The following EIF2A variants were observed in gnomAD, a reference collection of about 807,000 sequenced individuals.
EIF2A encodes the protein eukaryotic translation initiation factor 2A.
EIF2A carries 62 observed loss-of-function variants against 75.2 expected under a neutral mutation model. The ratio of observed to expected loss-of-function variants is 0.82; its 90% CI spans 0.67 to 1.02. The LOEUF is 1.02. EIF2A is among the 50% of genes least tolerant of loss of function. The pLI is 0.00. For synonymous variants in EIF2A, 207 were observed against 239.0 expected, an observed-to-expected ratio of 0.87 and a Z score of 1.23; for missense variants, 611 against 677.7, an observed-to-expected ratio of 0.90 and a Z score of 1.09.
In EIF2A at chr3:150,581,748, T is replaced by C; in HGVS notation, c.1626+2T>C. ...AAAAAAATCAAGAACCTAAAGAAGG[T>C]GAGAGACTTAAAAACAGATGTGCAT... On this transcript the variant is annotated splice_donor_variant, in intron 12 of 13. Transcript: ENST00000460851. LOFTEE classifies it high-confidence loss of function. 6.4e-7 allele frequency: 1 copy of C among 1,557,498 alleles called. No homozygotes were observed. Among genetic ancestry groups the C allele is most frequent in the Non-Finnish European group, 8.7e-7 (1 of 1,150,064 alleles).
In EIF2A at chr3:150,568,186, G is replaced by A. The variant is rs891862280; in HGVS notation, c.705G>A (p.Val235=). ...TMLWNKKATA[V]LVIASTDVDK... ...TTTTTACTGTTATAGCTACTGCTGT[G>A]TTGGTAATAGCTAGCACAGATGTTG... The change falls in exon 9 of 14, where the codon GTG becomes GTA. Residue 235 remains valine, a synonymous_variant. Coordinates refer to ENST00000460851, the MANE Select transcript of EIF2A (RefSeq NM_032025.5). 3.1e-6 allele frequency: 5 copies of A among 1,612,562 alleles called. No individual in the cohort carries two copies. Among genetic ancestry groups the A allele is most frequent in the Admixed American group, 1.7e-5 (1 of 59,654 alleles).
chr3:150,558,889 A>T (rs561756517), intron 3 of EIF2A, among the ~76,000 whole-genome samples: 2 of 152,306 alleles, frequency 1.3e-5, no homozygotes, highest in African/African-American at 4.8e-5. Context: ...ATGTATATAA[A>T]AGTGTATGTT....
At chr3:150,568,356 A>G (rs1724308641) in intron 9 of EIF2A, 64 bp downstream of exon 9, 1 of 1,235,692 alleles carries the variant, frequency 8.1e-7, no homozygotes, top group Non-Finnish European at 1.1e-6. Context: ...TATGCCATAA[A>G]GATGATATAA....
chr3:150,562,437 A>C, intron 3 of EIF2A, 105 bp from the exon 4 acceptor site: 1 of 863,966 alleles, frequency 1.2e-6, no homozygotes. Context: ...AAAAAAGTCA[A>C]CATTTTGGAG....
intron 4 of EIF2A, 25 bp from the exon 5 acceptor site, chr3:150,563,490 C>T: frequency 1.3e-6 from 2 of 1,525,072 alleles, no homozygotes; most frequent in Non-Finnish European, 1.8e-6. Flanking sequence ...AAGGCAATTA[C>T]TGAAAAAAAG....
chr3:150,551,190 C>G (rs1383523601), intron 1 of EIF2A, among the ~76,000 whole-genome samples: 1 of 152,120 alleles, frequency 6.6e-6, no homozygotes, highest in Non-Finnish European at 1.5e-5. Context: ...TCAGTGGTAC[C>G]ATATACCTTT....
At chr3:150,551,604 T>G (rs1386285217) in intron 1 of EIF2A, among the ~76,000 whole-genome samples, 2 of 151,374 alleles carry the variant, frequency 1.3e-5, no homozygotes, top group Non-Finnish European at 2.9e-5. Flanking sequence ...GGCACATGCC[T>G]GTAGTCCCAG....
intron 6 of EIF2A, chr3:150,566,173 G>C (rs1387226015): frequency 6.6e-6 from 1 of 152,074 alleles, no homozygotes; most frequent in Non-Finnish European, 1.5e-5. Flanking sequence ...TCTTATTGAT[G>C]CTCAAATTGT....
At position 150,571,989 on chromosome 3, in the gene EIF2A, GA is replaced by G. The variant is rs1384259929; in HGVS notation, c.845del (p.Asn282IlefsTer23). 1.9e-6 allele frequency: 3 copies of G among 1,610,660 alleles called. No homozygotes were observed. Among genetic ancestry groups the G allele is most frequent in the Non-Finnish European group, 2.5e-6 (3 of 1,178,202 alleles). On this transcript the variant is annotated frameshift_variant, in exon 10 of 14. Coordinates refer to ENST00000460851, the MANE Select transcript of EIF2A (RefSeq NM_032025.5). LOFTEE classifies it high-confidence loss of function. ...KNGPIYDVVWNSSSTEFCAVY... is the reference protein window; with the variant it reads ...KNGPIYDVVWXSSSTEFCAVY... ...ATGGCCCCATTTATGATGTAGTTTGGAATTCTAGTTCTACTGAGTTTTGTGC... is the reference window on the plus strand; with the variant it reads ...ATGGCCCCATTTATGATGTAGTTTGGATTCTAGTTCTACTGAGTTTTGTGC...
intron 2 of EIF2A, 92 bp from the exon 3 acceptor site, chr3:150,558,291 TATTAA>T: frequency 9.1e-7 from 1 of 1,096,496 alleles, no homozygotes; most frequent in Non-Finnish European, 1.2e-6. Context: ...AGTTCTTAGT[TATTAA>T]ATTGATAGTG....
intron 2 of EIF2A, 59 bp from the exon 3 acceptor site, chr3:150,558,329 A>AT: frequency 2.2e-6 from 3 of 1,376,058 alleles, no homozygotes; most frequent in East Asian, 3.0e-5. Context: ...TTATAATCAG[A>AT]TTTTTTTGAA....
chr3:150,572,537 A>G lies in EIF2A; in HGVS notation c.1383+8A>G. ...ATCACCAATTCCAAATTGGTAAGTA[A>G]AGTTTTACTACTTTTATAGAAAAAA... On this transcript the variant is annotated splice_region_variant and intron_variant, in intron 10 of 13. Transcript: ENST00000460851. The G allele has an allele frequency of 6.3e-7, 1 of 1,592,982 alleles. No individual in the cohort carries two copies. The highest frequency in any genetic ancestry group is 8.5e-7 in the Non-Finnish European group (1 of 1,170,802).
At chr3:150,576,474 A>T (rs1724879203) in intron 11 of EIF2A, among the ~76,000 whole-genome samples, 1 of 152,212 alleles carries the variant, frequency 6.6e-6, no homozygotes, top group African/African-American at 2.4e-5. Context: ...CTCTTACGTT[A>T]TAAAATGTAG....
intron 3 of EIF2A, among the ~76,000 whole-genome samples, chr3:150,559,199 A>G (rs1170399161): frequency 6.6e-6 from 1 of 152,214 alleles, no homozygotes; most frequent in African/African-American, 2.4e-5. Flanking sequence ...TGTTCTTTAC[A>G]ATGGTAATGT....
chr3:150,568,715 A>C (rs1214065189), intron 9 of EIF2A, among the ~76,000 whole-genome samples: 2 of 152,174 alleles, frequency 1.3e-5, no homozygotes, highest in African/African-American at 4.8e-5. Flanking sequence ...CAGGAGTTCA[A>C]GACCAGCCTG....
chr3:150,557,737 G>A, intron 2 of EIF2A: 1 of 329,282 alleles, frequency 3.0e-6, no homozygotes, highest in Non-Finnish European at 6.0e-6. Flanking sequence ...TATAAACTGA[G>A]TGTAAGCTGT....
Position 150,583,277 on chromosome 3 carries a change from A to G in EIF2A, c.1692+12A>G, listed in dbSNP as rs1420315450. 1.9e-6 allele frequency: 3 copies of G among 1,612,122 alleles called. No homozygotes were observed. Among genetic ancestry groups the G allele is most frequent in the Admixed American group, 1.7e-5 (1 of 59,534 alleles). ...TAGAAAAAAATCAGGTACTTTCTGC[A>G]TTTTTCATTTAGGCTTGTGGTGACC... On this transcript the variant is annotated intron_variant, in intron 13 of 13. Transcript: ENST00000460851.
chr3:150,581,352 C>CAAAAGTTTGGAA (rs1725166160), intron 11 of EIF2A, among the ~76,000 whole-genome samples: 1 of 152,136 alleles, frequency 6.6e-6, no homozygotes, highest in Non-Finnish European at 1.5e-5. Context: ...AACCATCTAT[C>CAAAAGTTTGGAA]TACTGGCACA....
chr3:150,581,722 CA>C lies in EIF2A; in HGVS notation c.1609del (p.Ile537SerfsTer4). Reference sequence around the variant, plus strand: ...CAATTTCTGGGGACCCTGAGATAGACAAAAAAATCAAGAACCTAAAGAAGGT... The same window carrying C: ...CAATTTCTGGGGACCCTGAGATAGACAAAAAATCAAGAACCTAAAGAAGGT... ...QSISGDPEID[K>X]KIKNLKKKLK... On this transcript the variant is annotated frameshift_variant, in exon 12 of 14. Coordinates refer to ENST00000460851, the MANE Select transcript of EIF2A (RefSeq NM_032025.5). LOFTEE classifies it high-confidence loss of function. 6.4e-7 allele frequency: 1 copy of C among 1,557,042 alleles called. No homozygotes were observed. Among genetic ancestry groups the C allele is most frequent in the Non-Finnish European group, 8.7e-7 (1 of 1,149,914 alleles).
Sources: gnomAD v4.1 joint callset for allele counts (sites outside exome capture counted in the v4.1 genomes callset) on GRCh38, gnomAD v4.1.1 for gene constraint, MANE v1.5 for transcripts, NCBI Gene and HGNC (gene_info 2026-07-23, HGNC 2026-07-21) for gene names.